AP4E1: variants seen among roughly 807,000 people sequenced by gnomAD.
AP4E1 encodes adaptor related protein complex 4 subunit epsilon 1, also known as AP-4 complex subunit epsilon-1.
AP4E1 carries 56 observed loss-of-function variants against 128.2 expected under a neutral mutation model. The ratio of observed to expected loss-of-function variants is 0.44; its 90% CI spans 0.35 to 0.55. The LOEUF (loss-of-function observed/expected upper bound fraction) is 0.55. Ranked by LOEUF, AP4E1 falls within the 20% of genes least tolerant of loss-of-function variation. The probability of loss-of-function intolerance (pLI) is 0.00; values close to 1 mark genes in which losing one functional copy is unlikely to be tolerated. For missense variants in AP4E1, 1,324 were observed against 1,307.7 expected (o/e 1.01, Z -0.19); for synonymous variants, 484 against 473.1 (o/e 1.02, Z -0.30).
At chr15:50,923,779 T>G in intron 3 of AP4E1, 152 bp from the exon 4 acceptor site, 1 of 638,444 alleles carries the variant, frequency 1.6e-6, no homozygotes, top group South Asian at 1.8e-5. Context: ...AAATCTTCCT[T>G]ACTGAAGGTT....
At chr15:50,965,786 A>T (rs1014723715) in intron 14 of AP4E1, among the ~76,000 whole-genome samples, 12 of 152,118 alleles carry the variant, frequency 7.9e-5, no homozygotes, top group African/African-American at 2.9e-4. Context: ...AGTCTTCACC[A>T]TTTTGGAGCT....
intron 13 of AP4E1, among the ~76,000 whole-genome samples, chr15:50,950,583 A>G (rs902987040): frequency 6.6e-6 from 1 of 152,180 alleles, no homozygotes; most frequent in African/African-American, 2.4e-5. Context: ...GAGTACTTAC[A>G]TTATTAACTT....
chr15:50,998,662 A>T (rs2064915113), intron 18 of AP4E1, among the ~76,000 whole-genome samples: 1 of 152,130 alleles, frequency 6.6e-6, no homozygotes, highest in Non-Finnish European at 1.5e-5. Context: ...AACTTAAAAA[A>T]ACAGACCAAA....
At chr15:50,986,374 C>T (rs1011330783) in intron 16 of AP4E1, among the ~76,000 whole-genome samples, 4 of 151,974 alleles carry the variant, frequency 2.6e-5, no homozygotes, top group African/African-American at 9.7e-5. Flanking sequence ...GAGGGCATCC[C>T]TGTCTTGTGC....
rs2064981352 is a variant in AP4E1 at position 51,002,820 on chromosome 15, C to T, written c.*158C>T. 1 of 928,674 alleles carries T rather than the reference C, an allele frequency of 1.1e-6. No homozygotes were observed. The highest frequency in any genetic ancestry group is 1.5e-5 in the South Asian group (1 of 64,806). The allele number at this position is 928,674 out of a possible 1,614,324, so 57.5% of individuals were successfully genotyped here. ...TTTGTGATTCCTGGTCAAGAAAGAT[C>T]CCCAAAACTGTATCCCTAACCTTTA... On this transcript the variant is annotated 3_prime_UTR_variant, in exon 21 of 21. Coordinates refer to ENST00000261842, the MANE Select transcript of AP4E1 (RefSeq NM_007347.5).
chr15:50,973,662 C>T (rs188842621), intron 15 of AP4E1, among the ~76,000 whole-genome samples: 189 of 152,264 alleles, frequency 1.2e-3, no homozygotes, highest in Non-Finnish European at 2.2e-3. Context: ...AAAGTGGACC[C>T]ATGCAATATT....
intron 13 of AP4E1, among the ~76,000 whole-genome samples, chr15:50,956,087 GTA>G (rs1311373873): frequency 2.0e-5 from 3 of 152,184 alleles, no homozygotes; most frequent in Non-Finnish European, 4.4e-5. Context: ...ATAATGTGCT[GTA>G]TGTTTTATAT....
intron 15 of AP4E1, among the ~76,000 whole-genome samples, chr15:50,974,515 C>A (rs1239066572): frequency 6.6e-6 from 1 of 151,758 alleles, no homozygotes; most frequent in African/African-American, 2.4e-5. Flanking sequence ...GATCCTCCTA[C>A]CTTGACGTTG....
chr15:50,959,440 C>T lies in AP4E1; in HGVS notation c.1851+646C>T, dbSNP rs557331159. On this transcript the variant is annotated intron_variant, in intron 14 of 20. Coordinates refer to ENST00000261842, the MANE Select transcript of AP4E1 (RefSeq NM_007347.5). The stretch of plus-strand genomic sequence containing the variant: ...TATACTCAAAGTGCTGGAAAAAAAA[C>T]CCCCAAAACTGCCAGACGAGTAAGT... Among the ~76,000 whole-genome samples the T allele has an allele frequency of 9.9e-5, 15 of 151,770 alleles. No individual in the cohort carries two copies. The East Asian group carries it at 2.7e-3, about 28-fold the overall frequency.
rs999196372 is a variant in AP4E1 at position 50,925,359 on chromosome 15, G to C, written c.542+140G>C. ...GGAATAATACAAAAATCTTCAATAGGATCATCTTTATTTTTATGTGGGTTT... is the reference window on the plus strand; with the variant it reads ...GGAATAATACAAAAATCTTCAATAGCATCATCTTTATTTTTATGTGGGTTT... On this transcript the variant is annotated intron_variant, in intron 5 of 20. Transcript: ENST00000261842. 7.7e-6 allele frequency: 7 copies of C among 908,590 alleles called. No individual in the cohort carries two copies. The South Asian group carries it at 1.1e-4, about 15-fold the overall frequency. 56.3% of individuals were successfully genotyped at this position (908,590 alleles called of 1,614,324 possible).
chr15:51,000,141 CTTTTTTTTT>C (rs11383470), intron 19 of AP4E1, among the ~76,000 whole-genome samples: 1 of 120,818 alleles, frequency 8.3e-6, no homozygotes. Flanking sequence ...TTTGTTCATT[CTTTTTTTTT>C]TTTTTTTTTT....
At chr15:50,918,668 A>G (rs1412100128) in intron 3 of AP4E1, among the ~76,000 whole-genome samples, 1 of 151,764 alleles carries the variant, frequency 6.6e-6, no homozygotes, top group Non-Finnish European at 1.5e-5. Flanking sequence ...TAATCTTTCC[A>G]TTGTTTTATT....
At position 50,997,433 on chromosome 15, in the gene AP4E1, T is replaced by C. The variant is rs1308090124; in HGVS notation, c.2454T>C (p.Phe818=). 1.9e-6 allele frequency: 3 copies of C among 1,613,676 alleles called. No individual in the cohort carries two copies. Among genetic ancestry groups the C allele is most frequent in the East Asian group, 4.5e-5 (2 of 44,858 alleles). ...CTCATAATATGACCTGTTCTTCCTTTAGTTCTTTGTCAAATGTGGCATATG... is the reference window on the plus strand; with the variant it reads ...CTCATAATATGACCTGTTCTTCCTTCAGTTCTTTGTCAAATGTGGCATATG... The part of the protein sequence containing the change: ...TSTHNMTCSS[F]SSLSNVAYED... The change falls in exon 18 of 21, where the codon TTT becomes TTC. Residue 818 remains phenylalanine (F), a synonymous_variant. Coordinates refer to ENST00000261842, the MANE Select transcript of AP4E1 (RefSeq NM_007347.5).
chr15:50,952,383 A>G (rs1305578884), intron 13 of AP4E1, among the ~76,000 whole-genome samples: 4 of 151,806 alleles, frequency 2.6e-5, no homozygotes, highest in Non-Finnish European at 1.5e-5. Flanking sequence ...GGTGGCACGC[A>G]CCTGTAGTCC....
intron 16 of AP4E1, among the ~76,000 whole-genome samples, chr15:50,986,746 C>T (rs2064729871): frequency 6.6e-6 from 1 of 152,154 alleles, no homozygotes; most frequent in Non-Finnish European, 1.5e-5. Flanking sequence ...CGATGTTCAT[C>T]AGGGATATTG....
chr15:51,001,704 A>C (rs904272352), intron 20 of AP4E1, among the ~76,000 whole-genome samples: 3 of 152,154 alleles, frequency 2.0e-5, no homozygotes, highest in Admixed American at 6.5e-5. Context: ...AATGTGATAC[A>C]TTTTGTTTAT....
At chr15:50,969,682 A>C (rs1394438546) in intron 15 of AP4E1, among the ~76,000 whole-genome samples, 1 of 145,246 alleles carries the variant, frequency 6.9e-6, no homozygotes, top group Admixed American at 7.0e-5. Flanking sequence ...TTTTTTAGAC[A>C]GAGTCTGGCT....
chr15:50,993,612 G>C lies in AP4E1; in HGVS notation c.2333G>C (p.Ser778Thr), dbSNP rs1486489901. The stretch of plus-strand genomic sequence containing the variant: ...TTATTTGTTGGTCTAGGATCAGAAA[G>C]TACAATCAACCTGGTAAGTAATCGG... The part of the protein sequence containing the change: ...SSLFVGLGSE[S>T]TINLLGKADT... Residue 778 changes from serine to threonine, a missense_variant, in exon 17 of 21, where the codon AGT (serine) becomes ACT (threonine). Physicochemically the swap from Ser to Thr is moderately conservative, Grantham distance 58. Transcript: ENST00000261842. 5 of 1,613,830 alleles carry C rather than the reference G, an allele frequency of 3.1e-6. No homozygotes were observed. Among genetic ancestry groups the C allele is most frequent in the African/African-American group, 1.3e-5 (1 of 74,918 alleles).
intron 3 of AP4E1, among the ~76,000 whole-genome samples, chr15:50,921,080 G>A (rs71471583): frequency 0.18 from 28,100 of 151,986 alleles, 2,652 homozygotes; most frequent in South Asian, 0.24. Context: ...TGGGATTACG[G>A]GCATGAACTA....
Sources: gnomAD v4.1 joint callset for allele counts (sites outside exome capture counted in the v4.1 genomes callset) on GRCh38, gnomAD v4.1.1 for gene constraint, MANE v1.5 for transcripts, NCBI Gene and HGNC (gene_info 2026-07-23, HGNC 2026-07-21) for gene names.